The following GRIK1 variants were observed in gnomAD, a reference collection of about 807,000 sequenced individuals.
The protein encoded by GRIK1 is glutamate receptor ionotropic, kainate 1.
In GRIK1, 69 loss-of-function variants were observed where a neutral mutation model predicts 105.7. The observed-to-expected ratio is 0.65, with a 90% CI of 0.54 to 0.80. The LOEUF (loss-of-function observed/expected upper bound fraction) is 0.80, where lower values mean the gene tolerates loss of function less well. Among genes scored for constraint, GRIK1 ranks in the 30% least tolerant of loss-of-function variants. GRIK1 has a pLI of 0.00. For synonymous variants in GRIK1, 438 were observed against 431.3 expected (o/e 1.02, Z -0.19); for missense variants, 1,109 against 1,167.3 (o/e 0.95, Z 0.73).
intron 1 of GRIK1, among the ~76,000 whole-genome samples, chr21:29,710,702 A>T (rs2064024057): frequency 6.6e-6 from 1 of 151,930 alleles, no homozygotes; most frequent in African/African-American, 2.4e-5. Context: ...TTGGAATTTA[A>T]ATTGTTATGC....
At chr21:29,766,495 C>T (rs898397655) in intron 1 of GRIK1, among the ~76,000 whole-genome samples, 1 of 152,088 alleles carries the variant, frequency 6.6e-6, no homozygotes, top group Non-Finnish European at 1.5e-5. Flanking sequence ...CTCTTCAAGC[C>T]AGAAAATACA....
intron 7 of GRIK1, among the ~76,000 whole-genome samples, chr21:29,609,687 T>G (rs1601256340): frequency 1.3e-5 from 2 of 152,272 alleles, no homozygotes; most frequent in East Asian, 3.9e-4. Flanking sequence ...CATCTCATCT[T>G]CTACTACCCT....
intron 4 of GRIK1, among the ~76,000 whole-genome samples, chr21:29,663,320 T>G (rs2063001975): frequency 6.6e-6 from 1 of 152,190 alleles, no homozygotes; most frequent in Non-Finnish European, 1.5e-5. Flanking sequence ...AGCTTTATCT[T>G]AAGTAGGATG....
intron 3 of GRIK1, among the ~76,000 whole-genome samples, chr21:29,676,192 A>T (rs890821867): frequency 9.9e-5 from 15 of 152,198 alleles, no homozygotes; most frequent in African/African-American, 3.6e-4. Flanking sequence ...CAAAAAGCTT[A>T]CTGTTAAACT....
chr21:29,555,999 T>C (rs1476880505), intron 15 of GRIK1, among the ~76,000 whole-genome samples: 1 of 152,272 alleles, frequency 6.6e-6, no homozygotes, highest in East Asian at 1.9e-4. Flanking sequence ...ATACCTTTCA[T>C]TAAACAAGAT....
intron 1 of GRIK1, among the ~76,000 whole-genome samples, chr21:29,880,582 A>G (rs956221884): frequency 2.6e-5 from 4 of 152,274 alleles, no homozygotes; most frequent in Middle Eastern, 3.4e-3. Context: ...CTAAAGCCCA[A>G]GTTTATTTCT....
chr21:29,693,286 T>G (rs1169763738), intron 2 of GRIK1, among the ~76,000 whole-genome samples: 2 of 152,230 alleles, frequency 1.3e-5, no homozygotes, highest in Non-Finnish European at 2.9e-5. Flanking sequence ...CGAATGAATC[T>G]TTCCATGAGA....
chr21:29,931,700 T>A (rs565220151), intron 1 of GRIK1, among the ~76,000 whole-genome samples: 16 of 152,236 alleles, frequency 1.1e-4, no homozygotes, highest in African/African-American at 3.9e-4. Flanking sequence ...GAGCTCTAGG[T>A]GCCAGGAGTG....
At chr21:29,783,064 A>G (rs1308484026) in intron 1 of GRIK1, among the ~76,000 whole-genome samples, 1 of 152,124 alleles carries the variant, frequency 6.6e-6, no homozygotes, top group Non-Finnish European at 1.5e-5. Flanking sequence ...TAAAGTATCC[A>G]TTTCTTCCCA....
intron 1 of GRIK1, among the ~76,000 whole-genome samples, chr21:29,784,933 A>G (rs2066219170): frequency 6.6e-6 from 1 of 152,224 alleles, no homozygotes; most frequent in South Asian, 2.1e-4. Context: ...AGCTCCATGT[A>G]GGCAAACAGA....
intron 1 of GRIK1, chr21:29,763,669 G>A (rs1266511130): frequency 6.6e-6 from 1 of 152,156 alleles, no homozygotes; most frequent in African/African-American, 2.4e-5. Flanking sequence ...TCAGGTGATC[G>A]AGATTCCGAG....
intron 1 of GRIK1, among the ~76,000 whole-genome samples, chr21:29,934,856 G>T (rs943907449): frequency 2.6e-5 from 4 of 152,038 alleles, no homozygotes; most frequent in African/African-American, 9.7e-5. Flanking sequence ...TAAATGCAAA[G>T]ATGAATGACA....
intron 13 of GRIK1, among the ~76,000 whole-genome samples, chr21:29,580,116 TATACAC>T (rs2090993411): frequency 6.9e-6 from 1 of 145,062 alleles, no homozygotes; most frequent in African/African-American, 2.6e-5. Flanking sequence ...TATATACATA[TATACAC>T]ATATACACAC....
chr21:29,629,552 G>A (rs946330418), intron 7 of GRIK1, among the ~76,000 whole-genome samples: 4 of 151,006 alleles, frequency 2.6e-5, no homozygotes, highest in African/African-American at 9.8e-5. Context: ...GTGCAGTGGC[G>A]GATCTCAGCT....
intron 1 of GRIK1, among the ~76,000 whole-genome samples, chr21:29,885,975 A>G (rs188720661): frequency 6.6e-6 from 1 of 152,260 alleles, no homozygotes; most frequent in African/African-American, 2.4e-5. Context: ...AGATCAATGT[A>G]TGAATCCCTC....
intron 1 of GRIK1, among the ~76,000 whole-genome samples, chr21:29,790,909 C>T (rs1307397904): frequency 6.6e-6 from 1 of 152,156 alleles, no homozygotes; most frequent in Non-Finnish European, 1.5e-5. Flanking sequence ...AATAACAAAT[C>T]AGTTTAAAAG....
At chr21:29,757,455 AG>A (rs2065379413) in intron 1 of GRIK1, among the ~76,000 whole-genome samples, 1 of 152,254 alleles carries the variant, frequency 6.6e-6, no homozygotes. Context: ...TGTGAATAAA[AG>A]ATGTTTGTTT....
At position 29,859,507 on chromosome 21, in the gene GRIK1, G is replaced by A. The variant is rs150339076; in HGVS notation, c.118+79876C>T. Among the ~76,000 whole-genome samples the A allele has an allele frequency of 8.1e-4, 123 of 152,258 alleles. 1 individual carries two copies. Among genetic ancestry groups the A allele is most frequent in the African/African-American group, 2.9e-3 (122 of 41,560 alleles). On this transcript the variant is annotated intron_variant, in intron 1 of 17. Transcript: ENST00000327783. ...GCCCTCTCTTCTAGCCTCACAGAAT[G>A]ATAGTCAACAGCTAAGAAATTTCCA... is the stretch of plus-strand genomic sequence containing the variant.
chr21:29,778,659 A>T (rs909733139), intron 1 of GRIK1, among the ~76,000 whole-genome samples: 1 of 152,328 alleles, frequency 6.6e-6, no homozygotes, highest in East Asian at 1.9e-4. Context: ...TCAAGAATGC[A>T]ATCTGTTGGC....
Sources: gnomAD v4.1 joint callset for allele counts (sites outside exome capture counted in the v4.1 genomes callset) on GRCh38, gnomAD v4.1.1 for gene constraint, MANE v1.5 for transcripts, NCBI Gene and HGNC (gene_info 2026-07-23, HGNC 2026-07-21) for gene names.